Variants in RTN1 observed in about 807,000 individuals in gnomAD.
RTN1 encodes the protein reticulon-1.
Under a neutral mutation model 65.5 loss-of-function variants are expected in RTN1, and 25 were observed. The ratio of observed to expected loss-of-function variants is 0.38; its 90% CI spans 0.28 to 0.53. RTN1 has a LOEUF of 0.53. Among genes scored for constraint, RTN1 ranks in the 20% least tolerant of loss-of-function variants. The probability of loss-of-function intolerance (pLI) is 0.79; values close to 1 mark genes in which losing one functional copy is unlikely to be tolerated. For missense variants in RTN1, 983 were observed against 1,025.4 expected, an observed-to-expected ratio of 0.96 and a Z score of 0.57; for synonymous variants, 471 against 447.6, an observed-to-expected ratio of 1.05 and a Z score of -0.66.
In RTN1 at chr14:59,814,134, G is replaced by C. The variant is rs1316627202; in HGVS notation, c.241+56256C>G. ...CTCTCATGCACACAAAATGGTTGCT[G>C]TACCCTCAGATATCATGTCCACATT... On this transcript the variant is annotated intron_variant, in intron 1 of 8. Coordinates refer to ENST00000267484, the MANE Select transcript of RTN1 (RefSeq NM_021136.3). Among the ~76,000 whole-genome samples, 3 of 152,166 alleles carry C rather than the reference G, an allele frequency of 2.0e-5. No homozygotes were observed. In the South Asian group the frequency reaches 6.2e-4, roughly 32 times the overall value.
At chr14:59,678,040 G>T (rs1883663916) in intron 3 of RTN1, among the ~76,000 whole-genome samples, 1 of 152,126 alleles carries the variant, frequency 6.6e-6, no homozygotes, top group Non-Finnish European at 1.5e-5. Context: ...AATAGTCAAA[G>T]CTATTTACAA....
chr14:59,702,679 C>T (rs1379801452), intron 3 of RTN1, among the ~76,000 whole-genome samples: 1 of 152,202 alleles, frequency 6.6e-6, no homozygotes. Flanking sequence ...CCACCATCTC[C>T]CACTCGGGTT....
At chr14:59,756,854 T>TC (rs1555359248) in intron 1 of RTN1, among the ~76,000 whole-genome samples, 1 of 150,004 alleles carries the variant, frequency 6.7e-6, no homozygotes, top group Non-Finnish European at 1.5e-5. Context: ...TTTTTTTTTT[T>TC]GTCTCTGTTG....
intron 3 of RTN1, among the ~76,000 whole-genome samples, chr14:59,699,252 T>C (rs1884129333): frequency 6.6e-6 from 1 of 151,858 alleles, no homozygotes; most frequent in South Asian, 2.1e-4. Context: ...ATACCACCTG[T>C]TCCCCAACAA....
At chr14:59,600,206 A>G (rs531713016) in intron 8 of RTN1, among the ~76,000 whole-genome samples, 6 of 152,212 alleles carry the variant, frequency 3.9e-5, no homozygotes, top group East Asian at 1.9e-4. Context: ...TACTGGCCCA[A>G]TCTGGGACTG....
chr14:59,842,407 C>G (rs1199555347), intron 1 of RTN1, among the ~76,000 whole-genome samples: 1 of 152,042 alleles, frequency 6.6e-6, no homozygotes, highest in Admixed American at 6.6e-5. Flanking sequence ...GAATCTAGAA[C>G]AGCCTTCATG....
chr14:59,710,037 C>G (rs1163937631), intron 3 of RTN1, among the ~76,000 whole-genome samples: 2 of 138,544 alleles, frequency 1.4e-5, no homozygotes, highest in Non-Finnish European at 3.0e-5. Context: ...TCCTCTCCCT[C>G]TTTCTTTCTT....
At position 59,605,047 on chromosome 14, in the gene RTN1, C is replaced by A. The variant is rs182835152; in HGVS notation, c.2112+321G>T. On this transcript the variant is annotated intron_variant, in intron 5 of 8. Coordinates refer to ENST00000267484, the MANE Select transcript of RTN1 (RefSeq NM_021136.3). Reference sequence around the variant, plus strand: ...CTTAATATTAATTTTGGGAAATTGTCGGAGGAACTAAAAATGGTTTAAGGA... The same window carrying A: ...CTTAATATTAATTTTGGGAAATTGTAGGAGGAACTAAAAATGGTTTAAGGA... 118 of 181,276 alleles carry A rather than the reference C, an allele frequency of 6.5e-4. 3 individuals are homozygous for A. Among genetic ancestry groups the A allele is most frequent in the Non-Finnish European group, 1.9e-4 (17 of 87,662 alleles). 11.2% of individuals were successfully genotyped at this position (181,276 alleles called of 1,614,324 possible).
At chr14:59,782,931 T>C (rs1457429667) in intron 1 of RTN1, among the ~76,000 whole-genome samples, 3 of 152,144 alleles carry the variant, frequency 2.0e-5, no homozygotes, top group African/African-American at 7.2e-5. Flanking sequence ...TGTTGAGTGA[T>C]CATTCTGTGG....
chr14:59,622,279 T>G (rs1297458680), intron 3 of RTN1, among the ~76,000 whole-genome samples: 2 of 152,200 alleles, frequency 1.3e-5, no homozygotes, highest in South Asian at 2.1e-4. Context: ...AGGTAGAGGT[T>G]GCAGTGAGCC....
chr14:59,682,718 G>A (rs1264260103), intron 3 of RTN1, among the ~76,000 whole-genome samples: 7 of 152,104 alleles, frequency 4.6e-5, no homozygotes, highest in South Asian at 2.1e-4. Flanking sequence ...TACTTACAGA[G>A]CACATGGTTA....
rs377530937 is a variant in RTN1, at chr14:59,659,498, G to A, written c.1766-52006C>T. Among the ~76,000 whole-genome samples, 66 of 152,144 alleles carry A rather than the reference G, an allele frequency of 4.3e-4. No individual in the cohort carries two copies. In the East Asian group the frequency reaches 4.8e-3, roughly 11 times the overall value. Reference sequence around the variant, plus strand: ...TTAAGGGCAGCCAGAGAGAAAAGTCGGGTTACCCAGAAAGGGAAGCCCATC... The same window carrying A: ...TTAAGGGCAGCCAGAGAGAAAAGTCAGGTTACCCAGAAAGGGAAGCCCATC... On this transcript the variant is annotated intron_variant, in intron 3 of 8. Coordinates refer to ENST00000267484, the MANE Select transcript of RTN1 (RefSeq NM_021136.3).
chr14:59,605,028 A>G (rs180914533), intron 5 of RTN1: 3 of 166,696 alleles, frequency 1.8e-5, no homozygotes, highest in African/African-American at 7.1e-5. Context: ...TTATCTTAAT[A>G]TTAATTTTGG....
intron 3 of RTN1, among the ~76,000 whole-genome samples, chr14:59,683,991 A>C (rs539040058): frequency 6.6e-6 from 1 of 152,228 alleles, no homozygotes; most frequent in Non-Finnish European, 1.5e-5. Flanking sequence ...TGACTTTCAC[A>C]GGCTCAGAAG....
At chr14:59,667,272 G>A (rs1020672876) in intron 3 of RTN1, among the ~76,000 whole-genome samples, 3 of 152,056 alleles carry the variant, frequency 2.0e-5, no homozygotes, top group Non-Finnish European at 2.9e-5. Flanking sequence ...CGATCAAGTC[G>A]GCTTCATCAC....
intron 3 of RTN1, among the ~76,000 whole-genome samples, chr14:59,622,071 C>T (rs148866460): frequency 6.6e-6 from 1 of 152,194 alleles, no homozygotes; most frequent in African/African-American, 2.4e-5. Flanking sequence ...CCCAGTGGCT[C>T]ACACCTGTAA....
intron 3 of RTN1, among the ~76,000 whole-genome samples, chr14:59,611,679 C>G (rs34580000): frequency 0.46 from 69,252 of 151,986 alleles, 18,107 homozygotes; most frequent in East Asian, 0.84. Context: ...TTGGTTCTTT[C>G]TAACTAGTAT....
chr14:59,860,336 A>G (rs954064933), intron 1 of RTN1, among the ~76,000 whole-genome samples: 20 of 152,240 alleles, frequency 1.3e-4, no homozygotes, highest in African/African-American at 4.6e-4. Flanking sequence ...CGTGGTATTG[A>G]GCCTTCAAGT....
At chr14:59,624,623 G>A (rs1387564643) in intron 3 of RTN1, among the ~76,000 whole-genome samples, 1 of 151,936 alleles carries the variant, frequency 6.6e-6, no homozygotes, top group Non-Finnish European at 1.5e-5. Context: ...CACCACGCCT[G>A]ACTAGTTTTT....
Sources: allele counts gnomAD v4.1 joint callset (sites outside exome capture counted in the v4.1 genomes callset), GRCh38; gene constraint gnomAD v4.1.1; transcripts MANE v1.5; gene names NCBI Gene and HGNC (gene_info 2026-07-23, HGNC 2026-07-21).